Variants in LY96 observed in about 807,000 individuals in gnomAD.
The protein encoded by LY96 is myeloid differentiation protein-2.
LY96 carries 18 observed loss-of-function variants against 18.9 expected under a neutral mutation model. That is an observed-to-expected ratio of 0.95 (90% CI 0.66 to 1.41). The LOEUF is 1.41. Ranked by LOEUF, LY96 falls within the 40% of genes most tolerant of loss-of-function variation. LY96 has a pLI of 0.00. For missense variants in LY96, 175 were observed against 182.4 expected (o/e 0.96, Z 0.23); for synonymous variants, 66 against 62.6 (o/e 1.06, Z -0.26).
the LY96 span, among the ~76,000 whole-genome samples, chr8:74,091,608 G>A: frequency 1.2e-4 from 18 of 152,216 alleles, no homozygotes; most frequent in African/African-American, 4.3e-4. Flanking sequence ...AACTGCTTCT[G>A]CTAGCGGACC....
intron 3 of LY96, among the ~76,000 whole-genome samples, chr8:74,022,467 C>CAAA (rs71778489): frequency 6.9e-6 from 1 of 145,758 alleles, no homozygotes; most frequent in African/African-American, 2.5e-5. Context: ...AATTGAAAAA[C>CAAA]AAAAAAAAAA....
the LY96 span, among the ~76,000 whole-genome samples, chr8:74,054,376 G>A: frequency 4.6e-5 from 7 of 152,268 alleles, no homozygotes; most frequent in East Asian, 1.4e-3. Context: ...AGTTATAGTA[G>A]CAGAGAATGG....
At chr8:74,044,234 T>C in the LY96 span, among the ~76,000 whole-genome samples, 2 of 151,010 alleles carry the variant, frequency 1.3e-5, no homozygotes, top group Non-Finnish European at 2.9e-5. Context: ...CAGTCTGGAG[T>C]GCAGTGGCAC....
the LY96 span, among the ~76,000 whole-genome samples, chr8:74,044,576 TA>T: frequency 2.0e-4 from 29 of 146,052 alleles, no homozygotes; most frequent in East Asian, 9.9e-4. Context: ...GTTGGCAGGG[TA>T]AAAAAAAAAA....
chr8:74,017,980 G>A (rs1382557040), intron 3 of LY96, among the ~76,000 whole-genome samples: 3 of 152,190 alleles, frequency 2.0e-5, no homozygotes, highest in Non-Finnish European at 4.4e-5. Context: ...ATGCTAGGAA[G>A]AAACTGCATA....
At chr8:74,021,559 T>C (rs989226071) in intron 3 of LY96, among the ~76,000 whole-genome samples, 3 of 152,204 alleles carry the variant, frequency 2.0e-5, no homozygotes, top group African/African-American at 7.2e-5. Flanking sequence ...GACCCAGCCA[T>C]CCCACTACTG....
chr8:74,044,895 T>G, the LY96 span, among the ~76,000 whole-genome samples: 1 of 152,242 alleles, frequency 6.6e-6, no homozygotes, highest in Non-Finnish European at 1.5e-5. Flanking sequence ...TTATTCTCTA[T>G]GAAAGAAACT....
chr8:74,084,270 CCTT>C, the LY96 span, among the ~76,000 whole-genome samples: 1 of 152,156 alleles, frequency 6.6e-6, no homozygotes, highest in South Asian at 2.1e-4. Context: ...AGTTCTCTCT[CCTT>C]CTATGATGTG....
intron 1 of LY96, among the ~76,000 whole-genome samples, chr8:74,001,484 C>T (rs1816268323): frequency 6.6e-6 from 1 of 152,102 alleles, no homozygotes; most frequent in Non-Finnish European, 1.5e-5. Context: ...CCACCTTGGC[C>T]TCCCCAAAGT....
In LY96 at chr8:73,991,495, C is replaced by G. The variant is rs1433908670; in HGVS notation, c.53C>G (p.Ala18Gly). Residue 18 changes from alanine to glycine, a missense_variant, in exon 1 of 5, where the codon GCT becomes GGT. Coordinates refer to ENST00000284818, the MANE Select transcript of LY96 (RefSeq NM_015364.5). ...STLFSSIFTEAQKQYWVCNSS... is the reference protein window; with the variant it reads ...STLFSSIFTEGQKQYWVCNSS... ...CTGTTTTCTTCCATATTTACTGAAGCTCAGAAGCAGTATTGGGTCTGCAAC... is the reference window on the plus strand; with the variant it reads ...CTGTTTTCTTCCATATTTACTGAAGGTCAGAAGCAGTATTGGGTCTGCAAC... The G allele has an allele frequency of 3.1e-6, 5 of 1,613,398 alleles. No homozygotes were observed. The highest frequency in any genetic ancestry group is 4.2e-6 in the Non-Finnish European group (5 of 1,179,512).
At chr8:74,023,687 C>G (rs1816813719) in intron 3 of LY96, among the ~76,000 whole-genome samples, 1 of 152,116 alleles carries the variant, frequency 6.6e-6, no homozygotes, top group African/African-American at 2.4e-5. Context: ...AATTTCCTGC[C>G]TCTGGCTTGT....
At chr8:74,090,599 T>C in the LY96 span, among the ~76,000 whole-genome samples, 2 of 152,234 alleles carry the variant, frequency 1.3e-5, no homozygotes, top group East Asian at 3.8e-4. Flanking sequence ...CATGTGAGCC[T>C]GAATATGCTT....
chr8:74,043,244 A>G, the LY96 span, among the ~76,000 whole-genome samples: 1 of 152,110 alleles, frequency 6.6e-6, no homozygotes, highest in African/African-American at 2.4e-5. Context: ...GAACAGGGGT[A>G]GGGAGGTGTG....
At chr8:74,099,266 T>C in the LY96 span, among the ~76,000 whole-genome samples, 2 of 152,176 alleles carry the variant, frequency 1.3e-5, no homozygotes, top group African/African-American at 2.4e-5. Flanking sequence ...TCAGCCATGA[T>C]GGTATGGGAG....
chr8:74,055,623 A>G, the LY96 span, among the ~76,000 whole-genome samples: 4 of 152,198 alleles, frequency 2.6e-5, no homozygotes, highest in Non-Finnish European at 5.9e-5. Flanking sequence ...ACACAGCAAA[A>G]GGGACTTTGC....
the LY96 span, among the ~76,000 whole-genome samples, chr8:74,051,690 C>T: frequency 2.0e-5 from 3 of 152,132 alleles, no homozygotes; most frequent in African/African-American, 7.2e-5. Flanking sequence ...ATAAAAGAGA[C>T]CTCAGAGAGT....
chr8:74,027,193 G>A (rs1000215450), intron 4 of LY96, among the ~76,000 whole-genome samples: 2 of 152,086 alleles, frequency 1.3e-5, no homozygotes, highest in African/African-American at 4.8e-5. Flanking sequence ...ACTCCGCTTA[G>A]CCTCCCAAAG....
At chr8:74,039,326 T>G in the LY96 span, among the ~76,000 whole-genome samples, 1 of 152,232 alleles carries the variant, frequency 6.6e-6, no homozygotes, top group Non-Finnish European at 1.5e-5. Context: ...CTCTTCATTT[T>G]GTTGATTGTT....
rs1175882962 is a variant in LY96, at chr8:74,020,490, C to A, written c.332-6299C>A. On this transcript the variant is annotated intron_variant, in intron 3 of 4. Transcript: ENST00000284818. ...AATCAATATTGTGAAAATGGCCATA[C>A]TGCCCAAGGTAATTTATAGATTCAA... Among the ~76,000 whole-genome samples, 5 of 152,198 alleles carry A rather than the reference C, an allele frequency of 3.3e-5. 1 individual carries two copies. In the South Asian group the frequency reaches 1.0e-3, roughly 32 times the overall value.
Sources: allele counts gnomAD v4.1 joint callset (sites outside exome capture counted in the v4.1 genomes callset), GRCh38; gene constraint gnomAD v4.1.1; transcripts MANE v1.5; gene names NCBI Gene and HGNC (gene_info 2026-07-23, HGNC 2026-07-21).